Variants in UQCRFS1 observed in about 807,000 individuals in gnomAD.
UQCRFS1 encodes the protein cytochrome b-c1 complex subunit Rieske, mitochondrial.
A neutral mutation model predicts 15.6 loss-of-function variants in UQCRFS1; 6 were observed. That is an observed-to-expected ratio of 0.38 (90% CI 0.21 to 0.76). UQCRFS1 has a LOEUF of 0.76. Ranked by LOEUF, UQCRFS1 falls within the 30% of genes least tolerant of loss-of-function variation. UQCRFS1 has a pLI of 0.44. For missense variants in UQCRFS1, 203 were observed against 366.7 expected (o/e 0.55, Z 3.65); for synonymous variants, 105 against 154.3 (o/e 0.68, Z 2.37).
Position 29,205,930 on chromosome 19 carries a change from T to C in UQCRFS1, c.*1618A>G, listed in dbSNP as rs1042603423. 6.6e-6 allele frequency: 1 copy of C among 152,190 alleles called. No homozygotes were observed. The highest frequency in any genetic ancestry group is 1.5e-5 in the Non-Finnish European group (1 of 68,036). 9.4% of individuals were successfully genotyped at this position (152,190 alleles called of 1,614,324 possible). A position where few individuals can be genotyped will look rare whatever the true frequency, so the allele number is the denominator to read the frequency against. On this transcript the variant is annotated 3_prime_UTR_variant, in exon 2 of 2. Coordinates refer to ENST00000304863, the MANE Select transcript of UQCRFS1 (RefSeq NM_006003.3). ...GCAATTCCGGCACTAAGTGAGTACC[T>C]AGAGACCTGCAAACTTCCTACTTCT...
chr19:29,212,450 C>T (rs17686149), intron 1 of UQCRFS1, among the ~76,000 whole-genome samples: 4,853 of 151,904 alleles, frequency 0.032, 131 homozygotes, highest in Non-Finnish European at 0.05. Context: ...GTGAGAAGAC[C>T]AACTTCCCAA....
chr19:29,211,094 C>A (rs561204263), intron 1 of UQCRFS1, among the ~76,000 whole-genome samples: 1 of 152,156 alleles, frequency 6.6e-6, no homozygotes, highest in Admixed American at 6.5e-5. Flanking sequence ...TTACAGGCAA[C>A]CTAAAAATTG....
chr19:29,208,286 T>C, intron 1 of UQCRFS1, 128 bp from the exon 2 acceptor site: 2 of 1,259,612 alleles, frequency 1.6e-6, no homozygotes, highest in Non-Finnish European at 2.1e-6. Flanking sequence ...AATATGGCAC[T>C]CACTGGGTCT....
rs961664944 is a variant in UQCRFS1, at chr19:29,212,937, C to G, written c.182G>C (p.Arg61Pro). ...SRESLSGQAVRRPLVASVGLN... is the reference protein window; with the variant it reads ...SRESLSGQAVPRPLVASVGLN... Reference sequence around the variant, plus strand: ...GCCCACGGAGGCGACCAAAGGCCGGCGCACGGCCTGGCCGCTCAGCGACTC... The same window carrying G: ...GCCCACGGAGGCGACCAAAGGCCGGGGCACGGCCTGGCCGCTCAGCGACTC... Residue 61 changes from arginine to proline, a missense_variant, in exon 1 of 2, where the codon CGC becomes CCC. Physicochemically the swap from Arg to Pro is moderately radical, Grantham distance 103. This residue lies in a region of UQCRFS1 where 92 missense variants were observed against 120.5 expected (regional missense o/e 0.76). Coordinates refer to ENST00000304863, the MANE Select transcript of UQCRFS1 (RefSeq NM_006003.3). The G allele has an allele frequency of 2.1e-6, 3 of 1,407,646 alleles. No homozygotes were observed. The Admixed American group carries it at 1.1e-4, about 50-fold the overall frequency. The allele number at this position is 1,407,646 out of a possible 1,614,324, so 87.2% of individuals were successfully genotyped here.
At chr19:29,209,552 T>C (rs1189569274) in intron 1 of UQCRFS1, among the ~76,000 whole-genome samples, 1 of 152,140 alleles carries the variant, frequency 6.6e-6, no homozygotes, top group African/African-American at 2.4e-5. Flanking sequence ...GACTAAATCA[T>C]TTCCTGGAGA....
Position 29,206,628 on chromosome 19 carries a change from G to A in UQCRFS1, c.*920C>T, listed in dbSNP as rs1976596661. 6.6e-6 allele frequency: 1 copy of A among 152,226 alleles called. No individual in the cohort carries two copies. The highest frequency in any genetic ancestry group is 1.9e-4 in the East Asian group (1 of 5,196). 9.4% of individuals were successfully genotyped at this position (152,226 alleles called of 1,614,324 possible). A position where few individuals can be genotyped will look rare whatever the true frequency, so the allele number is the denominator to read the frequency against. ...GCGTCTGGTTCCACACCATCTTACAGTGAAAAGTGCTGAGTGACTGTAAAC... is the reference window on the plus strand; with the variant it reads ...GCGTCTGGTTCCACACCATCTTACAATGAAAAGTGCTGAGTGACTGTAAAC... On this transcript the variant is annotated 3_prime_UTR_variant, in exon 2 of 2. Coordinates refer to ENST00000304863, the MANE Select transcript of UQCRFS1 (RefSeq NM_006003.3).
chr19:29,212,363 G>T (rs1230872199), intron 1 of UQCRFS1, among the ~76,000 whole-genome samples: 1 of 148,912 alleles, frequency 6.7e-6, no homozygotes, highest in East Asian at 2.0e-4. Context: ...CACTGTAACT[G>T]ACCTTGTGTA....
intron 1 of UQCRFS1, among the ~76,000 whole-genome samples, chr19:29,210,259 C>A (rs1449495826): frequency 1.3e-5 from 2 of 152,146 alleles, no homozygotes; most frequent in Admixed American, 1.3e-4. Flanking sequence ...ATAATGTGAA[C>A]TTAAATTACA....
chr19:29,211,128 C>T (rs1174146319), intron 1 of UQCRFS1, among the ~76,000 whole-genome samples: 1 of 152,074 alleles, frequency 6.6e-6, no homozygotes, highest in Non-Finnish European at 1.5e-5. Context: ...GCAACCTACT[C>T]ATCTGACAAA....
At chr19:29,212,302 A>C (rs1360414189) in intron 1 of UQCRFS1, among the ~76,000 whole-genome samples, 1 of 152,000 alleles carries the variant, frequency 6.6e-6, no homozygotes, top group African/African-American at 2.4e-5. Context: ...GTAAAATGTA[A>C]ATGTCGTCAA....
intron 1 of UQCRFS1, among the ~76,000 whole-genome samples, chr19:29,209,499 A>C (rs1976623473): frequency 6.6e-6 from 1 of 152,196 alleles, no homozygotes; most frequent in Non-Finnish European, 1.5e-5. Context: ...AGAAGTATTC[A>C]AACAATAATG....
chr19:29,206,561 T>C lies in UQCRFS1; in HGVS notation c.*987A>G, dbSNP rs1174176846. On this transcript the variant is annotated 3_prime_UTR_variant, in exon 2 of 2. Coordinates refer to ENST00000304863, the MANE Select transcript of UQCRFS1 (RefSeq NM_006003.3). The stretch of plus-strand genomic sequence containing the variant: ...ATGGACCTTAGTCTTGTTTCACCTG[T>C]GTAATTGGAGGCAGAATAGGATGTG... 2 of 152,196 alleles carry C rather than the reference T, an allele frequency of 1.3e-5. No individual in the cohort carries two copies. The highest frequency in any genetic ancestry group is 4.8e-5 in the African/African-American group (2 of 41,444). The allele number at this position is 152,196 out of a possible 1,614,324, so 9.4% of individuals were successfully genotyped here.
chr19:29,207,255 G>T lies in UQCRFS1; in HGVS notation c.*293C>A, dbSNP rs535538618. 1.9e-5 allele frequency: 5 copies of T among 262,340 alleles called. No homozygotes were observed. In the East Asian group the frequency reaches 3.1e-4, roughly 16 times the overall value. 16.3% of individuals were successfully genotyped at this position (262,340 alleles called of 1,614,324 possible). A position where few individuals can be genotyped will look rare whatever the true frequency, so the allele number is the denominator to read the frequency against. ...GGGCAAGAAAATAAAGTCAGTTACA[G>T]ATTTCACAAGTATCTTGTACACCAG... On this transcript the variant is annotated 3_prime_UTR_variant, in exon 2 of 2. Transcript: ENST00000304863.
In UQCRFS1 at chr19:29,209,334, T is replaced by C. The variant is rs541272394; in HGVS notation, c.215-1176A>G. On this transcript the variant is annotated intron_variant, in intron 1 of 1. Coordinates refer to ENST00000304863, the MANE Select transcript of UQCRFS1 (RefSeq NM_006003.3). Reference sequence around the variant, plus strand: ...GTGTATCCAAAATAAAGATCTTTTATGATGCATTTTTATTGTAATAAACTG... The same window carrying C: ...GTGTATCCAAAATAAAGATCTTTTACGATGCATTTTTATTGTAATAAACTG... Among the ~76,000 whole-genome samples, 3 of 152,340 alleles carry C rather than the reference T, an allele frequency of 2.0e-5. No homozygotes were observed. The East Asian group carries it at 5.8e-4, about 29-fold the overall frequency.
At chr19:29,208,238 T>C in intron 1 of UQCRFS1, 80 bp from the exon 2 acceptor site, 1 of 1,493,656 alleles carries the variant, frequency 6.7e-7, no homozygotes, top group South Asian at 1.4e-5. Context: ...TAGCCCTTTA[T>C]GGATTCACAG....
chr19:29,208,453 C>T (rs985289266), intron 1 of UQCRFS1, among the ~76,000 whole-genome samples: 1 of 152,204 alleles, frequency 6.6e-6, no homozygotes, highest in African/African-American at 2.4e-5. Flanking sequence ...TTCACAACAC[C>T]TCAGTGCATC....
At position 29,206,005 on chromosome 19, in the gene UQCRFS1, T is replaced by C. The variant is rs1976590288; in HGVS notation, c.*1543A>G. On this transcript the variant is annotated 3_prime_UTR_variant, in exon 2 of 2. Coordinates refer to ENST00000304863, the MANE Select transcript of UQCRFS1 (RefSeq NM_006003.3). The stretch of plus-strand genomic sequence containing the variant: ...CAAGGTATCACTTCAGGGTGGGAGG[T>C]GATATAGGTTATCAGTATTTCTCTA... The C allele has an allele frequency of 6.6e-6, 1 of 152,042 alleles. No individual in the cohort carries two copies. The allele number at this position is 152,042 out of a possible 1,614,324, so 9.4% of individuals were successfully genotyped here.
In UQCRFS1 at chr19:29,212,937, C is replaced by T. The variant is rs961664944; in HGVS notation, c.182G>A (p.Arg61His). The T allele has an allele frequency of 2.8e-6, 4 of 1,407,646 alleles. No homozygotes were observed. Among genetic ancestry groups the T allele is most frequent in the African/African-American group, 1.5e-5 (1 of 65,546 alleles). 87.2% of individuals were successfully genotyped at this position (1,407,646 alleles called of 1,614,324 possible). ...SRESLSGQAV[R>H]RPLVASVGLN... ...GCCCACGGAGGCGACCAAAGGCCGGCGCACGGCCTGGCCGCTCAGCGACTC... is the reference window on the plus strand; with the variant it reads ...GCCCACGGAGGCGACCAAAGGCCGGTGCACGGCCTGGCCGCTCAGCGACTC... Residue 61 changes from arginine to histidine, a missense_variant, in exon 1 of 2, where the codon CGC becomes CAC. Coordinates refer to ENST00000304863, the MANE Select transcript of UQCRFS1 (RefSeq NM_006003.3).
At chr19:29,208,179 T>G in intron 1 of UQCRFS1, 21 bp from the exon 2 acceptor site, 1 of 1,588,226 alleles carries the variant, frequency 6.3e-7, no homozygotes, top group East Asian at 2.2e-5. Context: ...AACAGAAGGT[T>G]AAAAAACACA....
Sources: allele counts gnomAD v4.1 joint callset (sites outside exome capture counted in the v4.1 genomes callset), GRCh38; gene constraint gnomAD v4.1.1; regional missense constraint gnomAD v4.1.1; transcripts MANE v1.5; gene names NCBI Gene and HGNC (gene_info 2026-07-23, HGNC 2026-07-21).